Variants in GRIK1 observed in about 807,000 individuals in gnomAD.
The protein encoded by GRIK1 is glutamate ionotropic receptor kainate type subunit 1.
A neutral mutation model predicts 105.7 loss-of-function variants in GRIK1; 69 were observed. That is an observed-to-expected ratio of 0.65 (90% CI 0.54 to 0.80). The LOEUF (loss-of-function observed/expected upper bound fraction) is 0.80. Ranked by LOEUF, GRIK1 falls within the 30% of genes least tolerant of loss-of-function variation. The pLI is 0.00. For synonymous variants in GRIK1, 438 were observed against 431.3 expected, an observed-to-expected ratio of 1.02 and a Z score of -0.19; for missense variants, 1,109 against 1,167.3, an observed-to-expected ratio of 0.95 and a Z score of 0.73.
rs1333751180 is a variant in GRIK1 at position 29,642,953 on chromosome 21, A to T, written c.971T>A (p.Met324Lys). Residue 324 changes from methionine (M) to lysine (K), a missense_variant, in exon 7 of 18, where the codon ATG becomes AAG. Physicochemically the swap from Met to Lys is moderately conservative, Grantham distance 95. Transcript: ENST00000327783. The part of the protein sequence containing the change: ...DGMMTTEAAL[M>K]YDAVYMVAIA... ...GGCCACCATGTACACAGCATCGTACATCAGAGCCGCTTCAGTCTGTGGAGG... is the reference window on the plus strand; with the variant it reads ...GGCCACCATGTACACAGCATCGTACTTCAGAGCCGCTTCAGTCTGTGGAGG... 2.5e-6 allele frequency: 4 copies of T among 1,613,910 alleles called. No homozygotes were observed. The highest frequency in any genetic ancestry group is 3.4e-6 in the Non-Finnish European group (4 of 1,179,962).
At chr21:29,799,191 A>T (rs1219510252) in intron 1 of GRIK1, among the ~76,000 whole-genome samples, 1 of 152,226 alleles carries the variant, frequency 6.6e-6, no homozygotes, top group African/African-American at 2.4e-5. Flanking sequence ...TTAATGTGCC[A>T]TCAAAGCATT....
At chr21:29,611,846 T>A (rs980745429) in intron 7 of GRIK1, among the ~76,000 whole-genome samples, 8 of 152,202 alleles carry the variant, frequency 5.3e-5, no homozygotes, top group Non-Finnish European at 7.3e-5. Flanking sequence ...AGAAATAATT[T>A]AAAAATTTTC....
chr21:29,911,363 G>A (rs1416715120), intron 1 of GRIK1, among the ~76,000 whole-genome samples: 2 of 152,002 alleles, frequency 1.3e-5, no homozygotes, highest in Non-Finnish European at 2.9e-5. Context: ...ATGGTACTGC[G>A]ATGAATCATT....
rs574722235 is a variant in GRIK1 at position 29,673,151 on chromosome 21, T to C, written c.558A>G (p.Leu186=). 8 of 1,606,366 alleles carry C rather than the reference T, an allele frequency of 5.0e-6. No individual in the cohort carries two copies. The highest frequency in any genetic ancestry group is 3.3e-4 in the Middle Eastern group (2 of 6,022). Residue 186 remains leucine (L), a synonymous_variant, in exon 4 of 18, where the codon CTA becomes CTG. Transcript: ENST00000327783. ...VYEDSTGLIR[L]QELIKAPSRY... is the part of the protein sequence containing the mutation. ...TGGAGGGAGCTTTGATGAGCTCTTGTAGACGAATTAGACCTAGAAAATGAC... is the reference window on the plus strand; with the variant it reads ...TGGAGGGAGCTTTGATGAGCTCTTGCAGACGAATTAGACCTAGAAAATGAC...
chr21:29,726,272 T>A (rs973466375), intron 1 of GRIK1, among the ~76,000 whole-genome samples: 1 of 152,216 alleles, frequency 6.6e-6, no homozygotes, highest in Non-Finnish European at 1.5e-5. Context: ...GCATTCTTGA[T>A]GTATTTTTAG....
chr21:29,848,923 G>A (rs932201202), intron 1 of GRIK1, among the ~76,000 whole-genome samples: 2 of 151,152 alleles, frequency 1.3e-5, no homozygotes, highest in Non-Finnish European at 2.9e-5. Context: ...ATAGATTTTC[G>A]GAACTTTCTC....
chr21:29,658,459 T>A (rs1281709464), intron 4 of GRIK1, among the ~76,000 whole-genome samples: 1 of 152,112 alleles, frequency 6.6e-6, no homozygotes, highest in African/African-American at 2.4e-5. Context: ...GATGGGGTTT[T>A]ACCATGTTGG....
intron 1 of GRIK1, among the ~76,000 whole-genome samples, chr21:29,772,949 A>T (rs2065849577): frequency 1.3e-5 from 2 of 152,042 alleles, no homozygotes; most frequent in South Asian, 2.1e-4. Context: ...TGATTGGAAA[A>T]TTTTTTAACC....
chr21:29,654,342 A>G (rs770187191), intron 5 of GRIK1, among the ~76,000 whole-genome samples: 19 of 152,206 alleles, frequency 1.2e-4, no homozygotes, highest in Non-Finnish European at 2.4e-4. Context: ...TGTGCAGAGC[A>G]TCTCCAAAAC....
chr21:29,715,540 A>G (rs148615127), intron 1 of GRIK1, among the ~76,000 whole-genome samples: 1,625 of 152,020 alleles, frequency 0.011, 14 homozygotes, highest in Non-Finnish European at 0.014. Flanking sequence ...ATTGTGAGTG[A>G]AGTCAGGATC....
intron 7 of GRIK1, among the ~76,000 whole-genome samples, chr21:29,634,948 T>A (rs1011204441): frequency 6.6e-5 from 10 of 152,180 alleles, no homozygotes; most frequent in African/African-American, 2.4e-4. Context: ...TTTATGTATA[T>A]CACTTTGCTT....
At chr21:29,891,505 T>C (rs534450657) in intron 1 of GRIK1, among the ~76,000 whole-genome samples, 100 of 152,316 alleles carry the variant, frequency 6.6e-4, no homozygotes, top group African/African-American at 2.4e-3. Context: ...AAAATTCCAT[T>C]CCTTCCCTTT....
intron 3 of GRIK1, among the ~76,000 whole-genome samples, chr21:29,680,828 T>C (rs2063357927): frequency 1.3e-5 from 2 of 152,196 alleles, no homozygotes; most frequent in African/African-American, 4.8e-5. Context: ...TGCTTAGGTA[T>C]GTATATATAG....
At chr21:29,702,769 G>A (rs2063837049) in intron 1 of GRIK1, among the ~76,000 whole-genome samples, 1 of 152,240 alleles carries the variant, frequency 6.6e-6, no homozygotes, top group Admixed American at 6.5e-5. Context: ...GCAGCCAGAA[G>A]CCAAGGAATG....
intron 1 of GRIK1, among the ~76,000 whole-genome samples, chr21:29,928,232 T>G (rs2071450427): frequency 6.6e-6 from 1 of 152,208 alleles, no homozygotes; most frequent in Non-Finnish European, 1.5e-5. Flanking sequence ...AAAACTGAAA[T>G]TTAAAAAGTT....
chr21:29,596,570 C>T lies in GRIK1; in HGVS notation c.1207G>A (p.Ala403Thr), dbSNP rs200024509. Residue 403 changes from alanine (A) to threonine (T), a missense_variant and splice_region_variant, in exon 9 of 18, where the codon GCT (alanine) becomes ACT (threonine). Coordinates refer to ENST00000327783, the MANE Select transcript of GRIK1 (RefSeq NM_001330994.2). ...AAGTGTTTAGACACTTCGCCAGCAG[C>T]CTTGGTTTTCAGAGAGAAAAATAAA... ...ISLKEEGTEK[A>T]AGEVSKHLYK... 8.9e-5 allele frequency: 143 copies of T among 1,607,200 alleles called. No homozygotes were observed. In the South Asian group the frequency reaches 1.5e-3, roughly 16 times the overall value.
At chr21:29,860,619 C>A (rs574615598) in intron 1 of GRIK1, among the ~76,000 whole-genome samples, 1 of 152,182 alleles carries the variant, frequency 6.6e-6, no homozygotes, top group Non-Finnish European at 1.5e-5. Context: ...TTGTTGACAA[C>A]GCCTTTGGCA....
At chr21:29,887,749 C>G (rs1357451424) in intron 1 of GRIK1, among the ~76,000 whole-genome samples, 1 of 151,968 alleles carries the variant, frequency 6.6e-6, no homozygotes, top group Non-Finnish European at 1.5e-5. Context: ...GGCTTGTTAT[C>G]TCATGCAGCT....
chr21:29,756,535 C>T (rs1601612532), intron 1 of GRIK1, among the ~76,000 whole-genome samples: 1 of 152,028 alleles, frequency 6.6e-6, no homozygotes, highest in Non-Finnish European at 1.5e-5. Flanking sequence ...CCAGAAAAAC[C>T]CAGTAGAAAT....
Sources: gnomAD v4.1 joint callset for allele counts (sites outside exome capture counted in the v4.1 genomes callset) on GRCh38, gnomAD v4.1.1 for gene constraint, MANE v1.5 for transcripts, NCBI Gene and HGNC (gene_info 2026-07-23, HGNC 2026-07-21) for gene names.